The following GRID2 variants were observed in gnomAD, a reference collection of about 807,000 sequenced individuals.
GRID2 encodes the protein glutamate receptor ionotropic, delta-2.
GRID2 carries 33 observed loss-of-function variants against 114.8 expected under a neutral mutation model. The ratio of observed to expected loss-of-function variants is 0.29; its 90% CI spans 0.22 to 0.38. GRID2 has a LOEUF of 0.38. Among genes scored for constraint, GRID2 ranks in the 10% least tolerant of loss-of-function variants. The probability of loss-of-function intolerance (pLI) is 1.00; values close to 1 mark genes in which losing one functional copy is unlikely to be tolerated. For synonymous variants in GRID2, 505 were observed against 449.9 expected (o/e 1.12, Z -1.55); for missense variants, 1,184 against 1,257.7 (o/e 0.94, Z 0.89).
intron 3 of GRID2, among the ~76,000 whole-genome samples, chr4:93,101,790 AAGTAACACAATAC>A (rs1485055392): frequency 1.3e-5 from 2 of 152,148 alleles, no homozygotes; most frequent in Non-Finnish European, 2.9e-5. Flanking sequence ...TGGCCTAAAT[AAGTAACACAATAC>A]AGATATCTGA....
intron 12 of GRID2, among the ~76,000 whole-genome samples, chr4:93,511,835 A>G (rs911809305): frequency 1.4e-5 from 2 of 147,854 alleles, no homozygotes; most frequent in Non-Finnish European, 3.0e-5. Context: ...CCCAGGCTAG[A>G]GTGCAATGGT....
intron 2 of GRID2, among the ~76,000 whole-genome samples, chr4:92,628,009 A>G (rs1007628140): frequency 4.6e-5 from 7 of 152,172 alleles, no homozygotes; most frequent in Non-Finnish European, 1.5e-5. Context: ...ACTAATACAG[A>G]TACAGACAAA....
At chr4:92,728,974 T>G (rs192671160) in intron 2 of GRID2, among the ~76,000 whole-genome samples, 21 of 152,174 alleles carry the variant, frequency 1.4e-4, no homozygotes, top group African/African-American at 4.6e-4. Flanking sequence ...TTTTTGTTTT[T>G]ATTCCATAGT....
chr4:93,072,120 A>G (rs1728860887), intron 2 of GRID2, among the ~76,000 whole-genome samples: 1 of 152,170 alleles, frequency 6.6e-6, no homozygotes, highest in Admixed American at 6.6e-5. Context: ...TCTGCTTTGA[A>G]TGTAAAAAGA....
At chr4:93,297,212 T>C (rs924439941) in intron 8 of GRID2, among the ~76,000 whole-genome samples, 31 of 152,290 alleles carry the variant, frequency 2.0e-4, no homozygotes, top group African/African-American at 7.0e-4. Flanking sequence ...TCTGACATAG[T>C]AGGCATCAAG....
rs1725279736 is a variant in GRID2, at chr4:92,304,602, A to G, written c.-55A>G. The stretch of plus-strand genomic sequence containing the variant: ...GACCTCAAACTCTTTGGACTGTTTG[A>G]AAAAAAAAAAATTGGAAGAAAATCC... On this transcript the variant is annotated 5_prime_UTR_variant, in exon 1 of 16. Coordinates refer to ENST00000282020, the MANE Select transcript of GRID2 (RefSeq NM_001510.4). The G allele has an allele frequency of 1.2e-6, 1 of 822,794 alleles. No homozygotes were observed. Among genetic ancestry groups the G allele is most frequent in the South Asian group, 1.8e-5 (1 of 57,000 alleles). The allele number at this position is 822,794 out of a possible 1,614,324, so 51.0% of individuals were successfully genotyped here. A position where few individuals can be genotyped will look rare whatever the true frequency, so the allele number is the denominator to read the frequency against.
rs565640713 is a variant in GRID2, at chr4:93,414,413, G to A, written c.1348-8358G>A. Among the ~76,000 whole-genome samples the A allele has an allele frequency of 1.7e-4, 26 of 152,178 alleles. 1 individual carries two copies. The South Asian group carries it at 5.4e-3, about 31-fold the overall frequency. On this transcript the variant is annotated intron_variant, in intron 9 of 15. Coordinates refer to ENST00000282020, the MANE Select transcript of GRID2 (RefSeq NM_001510.4). ...ATCATAGTGGCCTAAAGACTCTAGT[G>A]AAGCTCTGCCCCATCCAAATACATT...
intron 1 of GRID2, among the ~76,000 whole-genome samples, chr4:92,540,631 A>T (rs959879957): frequency 6.6e-6 from 1 of 152,190 alleles, no homozygotes; most frequent in Non-Finnish European, 1.5e-5. Context: ...ATCATTAAAA[A>T]GTCAGGAAAC....
chr4:92,671,358 T>C (rs1042333660), intron 2 of GRID2, among the ~76,000 whole-genome samples: 1 of 152,062 alleles, frequency 6.6e-6, no homozygotes, highest in African/African-American at 2.4e-5. Flanking sequence ...CATGAGATTT[T>C]GGTGGGGACA....
chr4:93,314,322 A>G (rs1008047130), intron 8 of GRID2, among the ~76,000 whole-genome samples: 3 of 150,696 alleles, frequency 2.0e-5, no homozygotes, highest in Non-Finnish European at 4.4e-5. Flanking sequence ...AAAAAAAAAA[A>G]AAAAAAAGAA....
At chr4:93,014,610 G>A (rs1323661372) in intron 2 of GRID2, among the ~76,000 whole-genome samples, 1 of 152,110 alleles carries the variant, frequency 6.6e-6, no homozygotes, top group Non-Finnish European at 1.5e-5. Flanking sequence ...CATGCTGTGA[G>A]ATTAGCAAGG....
intron 4 of GRID2, among the ~76,000 whole-genome samples, chr4:93,123,937 C>G (rs1040740700): frequency 7.8e-6 from 1 of 128,206 alleles, no homozygotes; most frequent in African/African-American, 3.0e-5. Flanking sequence ...AGTAGTTAGA[C>G]TGGACCTAAT....
At chr4:92,329,538 A>T (rs1035393408) in intron 1 of GRID2, among the ~76,000 whole-genome samples, 7 of 152,078 alleles carry the variant, frequency 4.6e-5, no homozygotes, top group Non-Finnish European at 1.0e-4. Flanking sequence ...CATTGCATTT[A>T]AATCTCATCC....
At chr4:92,633,794 A>G (rs989643361) in intron 2 of GRID2, among the ~76,000 whole-genome samples, 1 of 152,144 alleles carries the variant, frequency 6.6e-6, no homozygotes, top group African/African-American at 2.4e-5. Flanking sequence ...AGTTTATCCT[A>G]AACTTAACTA....
chr4:92,607,729 T>C (rs541559038), intron 2 of GRID2, among the ~76,000 whole-genome samples: 1 of 151,974 alleles, frequency 6.6e-6, no homozygotes, highest in East Asian at 1.9e-4. Context: ...ATCAGTATAA[T>C]AAGGTTCTCA....
At chr4:92,491,644 T>C (rs1723153118) in intron 1 of GRID2, among the ~76,000 whole-genome samples, 1 of 152,124 alleles carries the variant, frequency 6.6e-6, no homozygotes, top group South Asian at 2.1e-4. Flanking sequence ...ATATGCCTCA[T>C]GGATAGATGG....
chr4:93,332,291 T>TGAGA (rs1439107466), intron 8 of GRID2, among the ~76,000 whole-genome samples: 127 of 107,328 alleles, frequency 1.2e-3, no homozygotes, highest in African/African-American at 6.4e-3. Context: ...TGTGTGTGTG[T>TGAGA]GTGTGTGTGA....
intron 8 of GRID2, among the ~76,000 whole-genome samples, chr4:93,239,358 T>TATCA (rs1747212572): frequency 1.4e-5 from 2 of 141,672 alleles, no homozygotes; most frequent in African/African-American, 5.3e-5. Context: ...TCTGTCTATC[T>TATCA]ATCTATCTAT....
chr4:92,913,785 A>G (rs1329918842), intron 2 of GRID2, among the ~76,000 whole-genome samples: 1 of 146,632 alleles, frequency 6.8e-6, no homozygotes, highest in Non-Finnish European at 1.5e-5. Context: ...ACGTTTCACT[A>G]AGTCACTCAG....
Sources: gnomAD v4.1 joint callset for allele counts (sites outside exome capture counted in the v4.1 genomes callset) on GRCh38, gnomAD v4.1.1 for gene constraint, MANE v1.5 for transcripts, NCBI Gene and HGNC (gene_info 2026-07-23, HGNC 2026-07-21) for gene names.